The following TRHDE variants were observed in gnomAD, a reference collection of about 807,000 sequenced individuals.
TRHDE encodes thyrotropin-releasing hormone-degrading ectoenzyme.
Under a neutral mutation model 125.7 loss-of-function variants are expected in TRHDE, and 72 were observed. The observed-to-expected ratio is 0.57, with a 90% CI of 0.47 to 0.70. TRHDE has a LOEUF of 0.70. TRHDE is among the 30% of genes least tolerant of loss of function. TRHDE has a pLI of 0.00. For synonymous variants in TRHDE, 509 were observed against 509.1 expected, an observed-to-expected ratio of 1.00 and a Z score of 0.00; for missense variants, 1,110 against 1,327.1, an observed-to-expected ratio of 0.84 and a Z score of 2.54.
intron 2 of TRHDE, among the ~76,000 whole-genome samples, chr12:72,296,760 A>G (rs1880316706): frequency 6.6e-6 from 1 of 152,076 alleles, no homozygotes; most frequent in African/African-American, 2.4e-5. Context: ...AAAAGAAAAG[A>G]ATAAAATTGA....
intron 6 of TRHDE, among the ~76,000 whole-genome samples, chr12:72,531,208 T>C (rs1275330721): frequency 6.6e-6 from 1 of 152,114 alleles, no homozygotes; most frequent in Non-Finnish European, 1.5e-5. Flanking sequence ...TACTTATTTG[T>C]TTGTTAATGA....
At chr12:72,443,180 G>C (rs375245091) in intron 3 of TRHDE, among the ~76,000 whole-genome samples, 11 of 142,620 alleles carry the variant, frequency 7.7e-5, no homozygotes, top group African/African-American at 3.0e-4. Context: ...CACATACTTC[G>C]CTACTTCTTT....
chr12:72,466,129 T>C (rs746376437), intron 3 of TRHDE, among the ~76,000 whole-genome samples: 1 of 152,192 alleles, frequency 6.6e-6, no homozygotes, highest in Non-Finnish European at 1.5e-5. Flanking sequence ...GTGCCTGATA[T>C]CTTTATCACC....
chr12:72,551,670 G>A (rs1007280004), intron 7 of TRHDE, among the ~76,000 whole-genome samples: 4 of 152,028 alleles, frequency 2.6e-5, no homozygotes, highest in Admixed American at 2.0e-4. Context: ...AGTATTCAGG[G>A]CATGGTCCTG....
At chr12:72,240,661 C>G (rs1878460015) in intron 2 of TRHDE, among the ~76,000 whole-genome samples, 1 of 151,954 alleles carries the variant, frequency 6.6e-6, no homozygotes, top group Non-Finnish European at 1.5e-5. Context: ...GCTCCGCCTC[C>G]CAGGTTCACG....
chr12:72,618,833 G>A (rs918088996), intron 12 of TRHDE, 58 bp from the exon 13 acceptor site: 109 of 1,365,834 alleles, frequency 8.0e-5, no homozygotes, highest in East Asian at 1.3e-4. Context: ...TTTTATTTGC[G>A]TAAGTAAAAA....
chr12:72,271,333 T>A (rs190671405), upstream of TRHDE, among the ~76,000 whole-genome samples: 155 of 152,294 alleles, frequency 1.0e-3, no homozygotes, highest in Non-Finnish European at 1.8e-3. Context: ...GAGCTTGATG[T>A]GAAATCTGAC....
At chr12:72,126,555 C>T (rs981886896) in intron 2 of TRHDE, among the ~76,000 whole-genome samples, 8 of 152,152 alleles carry the variant, frequency 5.3e-5, no homozygotes, top group African/African-American at 1.9e-4. Context: ...AGCTACACAC[C>T]TACAGCCATC....
Position 72,273,059 on chromosome 12 carries a change from GATCGGC to G in TRHDE, c.417_422del (p.Ser140_Ala141del), listed in dbSNP as rs761977017. ...CGCGGCGGCAACGGGAGCCTCCCTG[GATCGGC>G]CCGGCGCAACCACCACGCAGGCGGG... On this transcript the variant is annotated inframe_deletion, in exon 1 of 19. Coordinates refer to ENST00000261180, the MANE Select transcript of TRHDE (RefSeq NM_013381.3). This position sits in a 1 kb window ranked among gnomAD's most constrained non-coding sequence, Gnocchi z 5.3. The G allele has an allele frequency of 7.8e-6, 12 of 1,531,122 alleles. No homozygotes were observed. Among genetic ancestry groups the G allele is most frequent in the Non-Finnish European group, 1.1e-5 (12 of 1,142,674 alleles). The allele number at this position is 1,531,122 out of a possible 1,614,324, so 94.8% of individuals were successfully genotyped here. A position where few individuals can be genotyped will look rare whatever the true frequency, so the allele number is the denominator to read the frequency against.
chr12:72,473,277 T>A (rs1876736945), intron 5 of TRHDE, 97 bp downstream of exon 5: 2 of 837,374 alleles, frequency 2.4e-6, no homozygotes, highest in Admixed American at 4.8e-5. Flanking sequence ...AAATACCAAC[T>A]GATGCATGAA....
intron 2 of TRHDE, among the ~76,000 whole-genome samples, chr12:72,236,610 G>A (rs938003157): frequency 6.6e-6 from 1 of 151,950 alleles, no homozygotes; most frequent in Non-Finnish European, 1.5e-5. Flanking sequence ...CATTGCTTCA[G>A]GCCCTGCATG....
chr12:72,338,361 A>G lies in TRHDE; in HGVS notation c.1189-39634A>G, dbSNP rs570369027. Among the ~76,000 whole-genome samples, 7 of 152,254 alleles carry G rather than the reference A, an allele frequency of 4.6e-5. No individual in the cohort carries two copies. The South Asian group carries it at 1.5e-3, about 32-fold the overall frequency. Reference sequence around the variant, plus strand: ...AATGTGATCTTAATTGGTATTTTCTACTTGTAGCACTTGGTAATTTTTAAA... The same window carrying G: ...AATGTGATCTTAATTGGTATTTTCTGCTTGTAGCACTTGGTAATTTTTAAA... On this transcript the variant is annotated intron_variant, in intron 2 of 18. Coordinates refer to ENST00000261180, the MANE Select transcript of TRHDE (RefSeq NM_013381.3).
At chr12:72,466,530 A>G (rs77701982) in intron 3 of TRHDE, among the ~76,000 whole-genome samples, 1 of 152,266 alleles carries the variant, frequency 6.6e-6, no homozygotes, top group East Asian at 1.9e-4. Flanking sequence ...TGGTTTGTTC[A>G]TATTTAGACA....
chr12:72,142,383 A>G (rs1339550221), intron 2 of TRHDE, among the ~76,000 whole-genome samples: 1 of 151,934 alleles, frequency 6.6e-6, no homozygotes, highest in East Asian at 1.9e-4. Flanking sequence ...TTTTGGCTTT[A>G]TGCCTCTCAG....
At chr12:72,348,128 A>C (rs1006432804) in intron 2 of TRHDE, among the ~76,000 whole-genome samples, 1 of 152,038 alleles carries the variant, frequency 6.6e-6, no homozygotes, top group African/African-American at 2.4e-5. Context: ...ATATGTATAT[A>C]CTTATATATA....
intron 3 of TRHDE, among the ~76,000 whole-genome samples, chr12:72,405,271 T>A (rs1013794384): frequency 7.9e-5 from 12 of 152,192 alleles, no homozygotes; most frequent in Non-Finnish European, 1.6e-4. Flanking sequence ...ATAGAGGAGA[T>A]AATGTTTAAT....
chr12:72,134,575 T>C (rs1875938659), intron 2 of TRHDE, among the ~76,000 whole-genome samples: 2 of 152,148 alleles, frequency 1.3e-5, no homozygotes, highest in South Asian at 2.1e-4. Flanking sequence ...TTGTATAGTA[T>C]ATTTTTTTTT....
At chr12:72,622,226 A>G (rs1463824357) in intron 15 of TRHDE, among the ~76,000 whole-genome samples, 2 of 152,094 alleles carry the variant, frequency 1.3e-5, no homozygotes, top group East Asian at 3.9e-4. Context: ...ACCCTTGACA[A>G]TGACCTTAAA....
intron 3 of TRHDE, among the ~76,000 whole-genome samples, chr12:72,432,382 A>G (rs567933852): frequency 2.6e-5 from 4 of 152,242 alleles, no homozygotes; most frequent in African/African-American, 4.8e-5. Context: ...TTCCCCTTTC[A>G]GGCAGTGTCA....
Sources: allele counts gnomAD v4.1 joint callset (sites outside exome capture counted in the v4.1 genomes callset), GRCh38; gene constraint gnomAD v4.1.1; non-coding constraint Gnocchi (gnomAD v3.1); transcripts MANE v1.5; gene names NCBI Gene and HGNC (gene_info 2026-07-23, HGNC 2026-07-21).